The following PITPNC1 variants were observed in gnomAD, a reference collection of about 807,000 sequenced individuals.
The protein encoded by PITPNC1 is phosphatidylinositol transfer protein cytoplasmic 1, also known as cytoplasmic phosphatidylinositol transfer protein 1.
A neutral mutation model predicts 44.7 loss-of-function variants in PITPNC1; 18 were observed. The observed-to-expected ratio is 0.40, with a 90% CI of 0.28 to 0.60. The LOEUF is 0.60. Ranked by LOEUF, PITPNC1 falls within the 20% of genes least tolerant of loss-of-function variation. The pLI is 0.39. For synonymous variants in PITPNC1, 141 were observed against 149.6 expected, an observed-to-expected ratio of 0.94 and a Z score of 0.42; for missense variants, 290 against 418.4, an observed-to-expected ratio of 0.69 and a Z score of 2.68.
chr17:67,513,692 A>T (rs1280670575), intron 1 of PITPNC1, among the ~76,000 whole-genome samples: 1 of 152,012 alleles, frequency 6.6e-6, no homozygotes, highest in African/African-American at 2.4e-5. Context: ...ATGAGTGGTC[A>T]CGTGTGTGTC....
Position 67,390,146 on chromosome 17 carries a change from T to G in PITPNC1, c.48+11944T>G, listed in dbSNP as rs564705204. 1.1e-4 allele frequency among the ~76,000 whole-genome samples: 17 copies of G among 152,304 alleles called. 2 individuals carry two copies. The South Asian group carries it at 1.9e-3, about 17-fold the overall frequency. On this transcript the variant is annotated intron_variant, in intron 1 of 8. Coordinates refer to ENST00000581322, the MANE Select transcript of PITPNC1 (RefSeq NM_012417.4). ...CCGTCCATAAGGAGATGGCTCTGGT[T>G]GTCTTGAATTTAGACAGCTTTCCAG...
At position 67,552,254 on chromosome 17, in the gene PITPNC1, T is replaced by C. The variant is rs111501038; in HGVS notation, c.198-3T>C. On this transcript the variant is annotated splice_region_variant and splice_polypyrimidine_tract_variant and intron_variant, in intron 2 of 8. Transcript: ENST00000581322. Reference sequence around the variant, plus strand: ...ATTGTCTTTTTTCTTTCTTTCCTCTTAGCAAACTGCCTAGTTGGGCTAGAG... The same window carrying C: ...ATTGTCTTTTTTCTTTCTTTCCTCTCAGCAAACTGCCTAGTTGGGCTAGAG... The C allele has an allele frequency of 1.3e-6, 2 of 1,538,698 alleles. No individual in the cohort carries two copies. The highest frequency in any genetic ancestry group is 9.0e-7 in the Non-Finnish European group (1 of 1,111,570).
At chr17:67,678,550 C>T (rs1489299712) in intron 8 of PITPNC1, among the ~76,000 whole-genome samples, 2 of 152,328 alleles carry the variant, frequency 1.3e-5, no homozygotes, top group Non-Finnish European at 2.9e-5. Flanking sequence ...GAGAACTACA[C>T]CGTTAATTTC....
chr17:67,421,570 A>G (rs1399979831), intron 1 of PITPNC1, among the ~76,000 whole-genome samples: 1 of 152,144 alleles, frequency 6.6e-6, no homozygotes, highest in Non-Finnish European at 1.5e-5. Context: ...GGTGTGAGCC[A>G]CTGTACCAGG....
intron 1 of PITPNC1, among the ~76,000 whole-genome samples, chr17:67,526,412 G>A (rs1198762287): frequency 6.6e-6 from 1 of 152,172 alleles, no homozygotes; most frequent in African/African-American, 2.4e-5. Flanking sequence ...GCTTGGGGTT[G>A]CCTTTTTAAT....
At chr17:67,604,496 T>C (rs1227657568) in intron 5 of PITPNC1, among the ~76,000 whole-genome samples, 3 of 152,212 alleles carry the variant, frequency 2.0e-5, no homozygotes, top group Admixed American at 2.0e-4. Context: ...AATAAAACAG[T>C]CCTAGGCCAG....
intron 5 of PITPNC1, among the ~76,000 whole-genome samples, chr17:67,627,109 C>T (rs1217691270): frequency 1.3e-5 from 2 of 151,998 alleles, no homozygotes; most frequent in African/African-American, 2.4e-5. Context: ...AAAAATTAGC[C>T]GGGCGTGGTG....
intron 2 of PITPNC1, among the ~76,000 whole-genome samples, chr17:67,547,069 A>G (rs928266419): frequency 3.3e-5 from 5 of 152,228 alleles, no homozygotes; most frequent in Non-Finnish European, 7.3e-5. Context: ...CTCCTGGACT[A>G]TCTTGTGAGA....
intron 1 of PITPNC1, among the ~76,000 whole-genome samples, chr17:67,400,462 G>A (rs1383522742): frequency 6.6e-6 from 1 of 152,192 alleles, no homozygotes; most frequent in Admixed American, 6.6e-5. Context: ...GAAGTCTGGT[G>A]CAAATAAGTC....
intron 4 of PITPNC1, among the ~76,000 whole-genome samples, chr17:67,570,463 G>A (rs766577967): frequency 6.6e-6 from 1 of 152,188 alleles, no homozygotes; most frequent in Non-Finnish European, 1.5e-5. Context: ...ATGCCTTTCC[G>A]GAAGCCTCTG....
chr17:67,490,111 T>C (rs2039840832), intron 1 of PITPNC1, among the ~76,000 whole-genome samples: 1 of 117,306 alleles, frequency 8.5e-6, no homozygotes, highest in African/African-American at 3.3e-5. Flanking sequence ...AACAGGCTTT[T>C]CTGTGTGTGT....
chr17:67,530,601 A>G (rs1784400636), intron 1 of PITPNC1, among the ~76,000 whole-genome samples: 1 of 152,168 alleles, frequency 6.6e-6, no homozygotes, highest in South Asian at 2.1e-4. Flanking sequence ...TCAGGACTTC[A>G]CAGTATGTAT....
At chr17:67,565,355 TTGTTTTCCA>T (rs796615573) in intron 4 of PITPNC1, among the ~76,000 whole-genome samples, 10 of 152,290 alleles carry the variant, frequency 6.6e-5, no homozygotes, top group African/African-American at 2.4e-4. Context: ...GTGTGTATAC[TTGTTTTCCA>T]TGTTTTCCAG....
chr17:67,459,108 T>C (rs2039298343), intron 1 of PITPNC1, among the ~76,000 whole-genome samples: 1 of 145,162 alleles, frequency 6.9e-6, no homozygotes, highest in Admixed American at 6.8e-5. Context: ...TTTTTTTTTC[T>C]TTTTCTTTTT....
intron 1 of PITPNC1, among the ~76,000 whole-genome samples, chr17:67,470,588 GC>G (rs1049704059): frequency 6.6e-6 from 1 of 151,836 alleles, no homozygotes; most frequent in Non-Finnish European, 1.5e-5. Context: ...GGGGGGGTCA[GC>G]CCCCCTGCCC....
chr17:67,632,131 C>T lies in PITPNC1; in HGVS notation c.367-12C>T. ...TATCACTAACCTTTGATATGTTGCT[C>T]TGCTTTTTCAGATTTTCGACAATGA... On this transcript the variant is annotated splice_polypyrimidine_tract_variant and intron_variant, in intron 5 of 8. Coordinates refer to ENST00000581322, the MANE Select transcript of PITPNC1 (RefSeq NM_012417.4). The T allele has an allele frequency of 6.3e-7, 1 of 1,578,368 alleles. No homozygotes were observed. Among genetic ancestry groups the T allele is most frequent in the Non-Finnish European group, 8.7e-7 (1 of 1,147,680 alleles).
At chr17:67,622,898 A>C (rs1214243958) in intron 5 of PITPNC1, among the ~76,000 whole-genome samples, 1 of 151,942 alleles carries the variant, frequency 6.6e-6, no homozygotes, top group African/African-American at 2.4e-5. Context: ...ATAATAAACC[A>C]TGAACCAACA....
chr17:67,553,765 G>T, intron 4 of PITPNC1, 148 bp downstream of exon 4: 1 of 419,394 alleles, frequency 2.4e-6, no homozygotes, highest in Non-Finnish European at 4.3e-6. Flanking sequence ...CTATTGCATC[G>T]TTATATATAA....
intron 6 of PITPNC1, among the ~76,000 whole-genome samples, chr17:67,641,783 A>AAATAAT (rs151024440): frequency 0.35 from 48,018 of 135,524 alleles, 8,704 homozygotes; most frequent in East Asian, 0.44. Flanking sequence ...CCCTACCTCA[A>AAATAAT]AATAATAATA....
Sources: gnomAD v4.1 joint callset for allele counts (sites outside exome capture counted in the v4.1 genomes callset) on GRCh38, gnomAD v4.1.1 for gene constraint, MANE v1.5 for transcripts, NCBI Gene and HGNC (gene_info 2026-07-23, HGNC 2026-07-21) for gene names.